Variants in ALCAM observed in about 807,000 individuals in gnomAD.
ALCAM encodes activated leukocyte cell adhesion molecule.
ALCAM carries 30 observed loss-of-function variants against 70.9 expected under a neutral mutation model. That is an observed-to-expected ratio of 0.42 (90% CI 0.32 to 0.57). The LOEUF (loss-of-function observed/expected upper bound fraction) is 0.57. Ranked by LOEUF, ALCAM falls within the 20% of genes least tolerant of loss-of-function variation. ALCAM has a pLI of 0.11. For synonymous variants in ALCAM, 249 were observed against 242.5 expected (o/e 1.03, Z -0.25); for missense variants, 591 against 695.1 (o/e 0.85, Z 1.68).
intron 1 of ALCAM, among the ~76,000 whole-genome samples, chr3:105,462,534 A>G (rs1476407921): frequency 2.0e-5 from 3 of 151,524 alleles, no homozygotes; most frequent in African/African-American, 7.3e-5. Context: ...GAAGTACATT[A>G]TGTATCAAAG....
intron 1 of ALCAM, among the ~76,000 whole-genome samples, chr3:105,384,221 C>T (rs1935595057): frequency 6.6e-6 from 1 of 151,368 alleles, no homozygotes; most frequent in African/African-American, 2.4e-5. Context: ...AAAAATAAAC[C>T]TTGTGCTCTT....
intron 1 of ALCAM, among the ~76,000 whole-genome samples, chr3:105,482,082 G>T (rs1163648867): frequency 6.6e-6 from 1 of 151,956 alleles, no homozygotes; most frequent in Non-Finnish European, 1.5e-5. Context: ...TTTGAAAACT[G>T]ATCATTTTCC....
intron 1 of ALCAM, among the ~76,000 whole-genome samples, chr3:105,368,246 A>AGAGAGAGAGAGAGAGAGAGAGAGAGAGAG (rs1467368417): frequency 6.6e-6 from 1 of 150,606 alleles, no homozygotes; most frequent in Admixed American, 6.6e-5. Context: ...AGAGAGAGAG[A>AGAGAGAGAGAGAGAGAGAGAGAGAGAGAG]GAGAGAGAGA....
intron 1 of ALCAM, among the ~76,000 whole-genome samples, chr3:105,471,776 CAT>C (rs1460701498): frequency 6.6e-6 from 1 of 151,212 alleles, no homozygotes; most frequent in African/African-American, 2.4e-5. Context: ...TGTTACCTCA[CAT>C]AGTTATCATT....
In ALCAM at chr3:105,398,364, T is replaced by C. The variant is rs1048552086; in HGVS notation, c.73+30883T>C. On this transcript the variant is annotated intron_variant, in intron 1 of 15. Coordinates refer to ENST00000306107, the MANE Select transcript of ALCAM (RefSeq NM_001627.4). ...GTATGTGGATAGTGCACAAATTATA[T>C]AGTTGCTTCTTAAATTACTGAGAAA... Among the ~76,000 whole-genome samples the C allele has an allele frequency of 3.9e-5, 6 of 152,244 alleles. No homozygotes were observed. The East Asian group carries it at 1.2e-3, about 30-fold the overall frequency.
intron 11 of ALCAM, among the ~76,000 whole-genome samples, chr3:105,549,411 G>T (rs1363512431): frequency 6.6e-6 from 1 of 151,480 alleles, no homozygotes; most frequent in Non-Finnish European, 1.5e-5. Context: ...TATAGAAAGA[G>T]AAAAATGTAG....
chr3:105,566,275 G>C (rs978655411), intron 14 of ALCAM, among the ~76,000 whole-genome samples: 1 of 152,108 alleles, frequency 6.6e-6, no homozygotes, highest in Non-Finnish European at 1.5e-5. Flanking sequence ...TGGTACAATT[G>C]TCTTACCAAT....
chr3:105,534,563 G>A, intron 5 of ALCAM, 100 bp from the exon 6 acceptor site: 1 of 1,174,574 alleles, frequency 8.5e-7, no homozygotes, highest in East Asian at 2.4e-5. Flanking sequence ...AATACAGTTA[G>A]AAGGAAAAAA....
At chr3:105,414,913 G>A (rs565323947) in intron 1 of ALCAM, among the ~76,000 whole-genome samples, 5 of 152,172 alleles carry the variant, frequency 3.3e-5, no homozygotes, top group South Asian at 4.1e-4. Context: ...CAGAGAGTGA[G>A]TTTAAAGCTG....
At chr3:105,512,249 CTG>C (rs1347495875) in intron 1 of ALCAM, among the ~76,000 whole-genome samples, 8 of 152,082 alleles carry the variant, frequency 5.3e-5, no homozygotes, top group Admixed American at 3.9e-4. Flanking sequence ...GTCACAATAA[CTG>C]TGAGTTCTTT....
chr3:105,463,387 T>C (rs536573041), intron 1 of ALCAM, among the ~76,000 whole-genome samples: 136 of 151,588 alleles, frequency 9.0e-4, no homozygotes, highest in African/African-American at 3.1e-3. Flanking sequence ...TGTCTATTTC[T>C]GTGTCCAGTA....
At chr3:105,529,813 T>C (rs1307759678) in intron 3 of ALCAM, among the ~76,000 whole-genome samples, 3 of 152,072 alleles carry the variant, frequency 2.0e-5, no homozygotes, top group Non-Finnish European at 4.4e-5. Flanking sequence ...TATGGGTGCA[T>C]TGATAAAACA....
At chr3:105,489,437 C>T (rs971446137) in intron 1 of ALCAM, among the ~76,000 whole-genome samples, 3 of 152,022 alleles carry the variant, frequency 2.0e-5, no homozygotes, top group African/African-American at 7.2e-5. Flanking sequence ...GCCATGTTGA[C>T]AATGATAGTT....
rs1364964337 is a variant in ALCAM at position 105,486,969 on chromosome 3, T to TATTTATTTATTTATTC, written c.74-33085_74-33084insTTCATTTATTTATTTA. 1.4e-4 allele frequency among the ~76,000 whole-genome samples: 22 copies of TATTTATTTATTTATTC among 151,756 alleles called. 1 individual carries two copies. The highest frequency in any genetic ancestry group is 5.1e-4 in the African/African-American group (21 of 41,368). ...ACAGAGCATAAGACATTTATTTATTTATTTATTTATTTAGACGCTTTGCTA... is the reference window on the plus strand; with the variant it reads ...ACAGAGCATAAGACATTTATTTATTTATTTATTTATTTATTCATTTATTTATTTAGACGCTTTGCTA... On this transcript the variant is annotated intron_variant, in intron 1 of 15. Transcript: ENST00000306107.
chr3:105,425,872 C>T (rs1407336511), intron 1 of ALCAM, among the ~76,000 whole-genome samples: 2 of 151,384 alleles, frequency 1.3e-5, no homozygotes, highest in Non-Finnish European at 1.5e-5. Flanking sequence ...TAATCTTTAC[C>T]TAACTGGCTA....
intron 1 of ALCAM, among the ~76,000 whole-genome samples, chr3:105,456,677 A>T (rs1403617776): frequency 1.3e-5 from 2 of 152,186 alleles, no homozygotes; most frequent in African/African-American, 4.8e-5. Flanking sequence ...GAGTTCATAG[A>T]TAGATGTTTT....
intron 1 of ALCAM, among the ~76,000 whole-genome samples, chr3:105,509,488 C>G (rs952463942): frequency 5.3e-5 from 8 of 151,928 alleles, no homozygotes; most frequent in Admixed American, 2.6e-4. Flanking sequence ...TTTCATATAT[C>G]TATTGGCTAA....
intron 1 of ALCAM, among the ~76,000 whole-genome samples, chr3:105,424,340 A>T (rs963583919): frequency 6.6e-6 from 1 of 151,738 alleles, no homozygotes; most frequent in Non-Finnish European, 1.5e-5. Context: ...ATCCTAAATT[A>T]TACGTCTAAG....
intron 1 of ALCAM, among the ~76,000 whole-genome samples, chr3:105,494,173 G>C (rs1218447293): frequency 6.6e-6 from 1 of 152,120 alleles, no homozygotes; most frequent in African/African-American, 2.4e-5. Flanking sequence ...AGACATATGG[G>C]CCCAATGGGG....
Sources: allele counts gnomAD v4.1 joint callset (sites outside exome capture counted in the v4.1 genomes callset), GRCh38; gene constraint gnomAD v4.1.1; transcripts MANE v1.5; gene names NCBI Gene and HGNC (gene_info 2026-07-23, HGNC 2026-07-21).